PARD3B: variants seen among roughly 807,000 people sequenced by gnomAD.
The protein encoded by PARD3B is par-3 family cell polarity regulator beta.
In PARD3B, 103 loss-of-function variants were observed where a neutral mutation model predicts 130.2. The observed-to-expected ratio is 0.79, with a 90% CI of 0.67 to 0.93. The LOEUF (loss-of-function observed/expected upper bound fraction) is 0.93. Ranked by LOEUF, PARD3B falls within the 40% of genes least tolerant of loss-of-function variation. The pLI, the probability that PARD3B is intolerant of heterozygous loss-of-function variation, is 0.00. For missense variants in PARD3B, 1,609 were observed against 1,499.2 expected (o/e 1.07, Z -1.21); for synonymous variants, 583 against 553.2 (o/e 1.05, Z -0.76).
rs151162209 is a variant in PARD3B at position 205,100,707 on chromosome 2, T to C, written c.505-3719T>C. On this transcript the variant is annotated intron_variant, in intron 4 of 22. Transcript: ENST00000406610. ...CCCTTACATTTTTGGAAAATTCATT[T>C]TCTTTAAGGGTGTCGAGACAATTCA... Among the ~76,000 whole-genome samples the C allele has an allele frequency of 3.1e-3, 473 of 152,268 alleles. 1 individual carries two copies. The highest frequency in any genetic ancestry group is 0.017 in the Middle Eastern group (5 of 294).
intron 18 of PARD3B, among the ~76,000 whole-genome samples, chr2:205,398,824 A>G (rs1244316890): frequency 6.6e-6 from 1 of 152,158 alleles, no homozygotes; most frequent in Admixed American, 6.5e-5. Context: ...TGCTTGTTTT[A>G]TGATTCTTCT....
intron 19 of PARD3B, among the ~76,000 whole-genome samples, chr2:205,436,946 A>C (rs1370017078): frequency 6.6e-6 from 1 of 151,838 alleles, no homozygotes; most frequent in Non-Finnish European, 1.5e-5. Context: ...CAGGGGAAAT[A>C]TCTCTCTTCT....
intron 21 of PARD3B, among the ~76,000 whole-genome samples, chr2:205,502,646 G>T (rs9973667): frequency 6.6e-6 from 1 of 152,128 alleles, no homozygotes; most frequent in East Asian, 1.9e-4. Context: ...TCTGAACTAT[G>T]GAGAAGGAAA....
intron 2 of PARD3B, among the ~76,000 whole-genome samples, chr2:204,747,059 A>G (rs1341635096): frequency 1.3e-5 from 2 of 152,088 alleles, no homozygotes; most frequent in African/African-American, 4.8e-5. Context: ...GCCCCTGCCT[A>G]TGTCCTGAAT....
intron 16 of PARD3B, among the ~76,000 whole-genome samples, chr2:205,256,225 C>G (rs754851524): frequency 2.0e-5 from 3 of 151,958 alleles, no homozygotes; most frequent in Non-Finnish European, 4.4e-5. Flanking sequence ...TCATGGCTCC[C>G]TTATATTATT....
intron 1 of PARD3B, among the ~76,000 whole-genome samples, chr2:204,589,435 T>G (rs1030786390): frequency 1.4e-4 from 22 of 152,208 alleles, no homozygotes; most frequent in African/African-American, 5.3e-4. Flanking sequence ...TTGAAGTTAC[T>G]GGGAGCCAGT....
chr2:205,158,432 C>T lies in PARD3B; in HGVS notation c.1435-290C>T, dbSNP rs1168231873. ...TTATGGAGAATATCTTAGTAAATTTCCAAAGGCTTGCGAGGTGTTTCAGAT... is the reference window on the plus strand; with the variant it reads ...TTATGGAGAATATCTTAGTAAATTTTCAAAGGCTTGCGAGGTGTTTCAGAT... On this transcript the variant is annotated intron_variant, in intron 10 of 22. Coordinates refer to ENST00000406610, the MANE Select transcript of PARD3B (RefSeq NM_001302769.2). The surrounding 1 kb of genome is among the most constrained non-coding windows in gnomAD (Gnocchi z 5.4). 6.6e-6 allele frequency among the ~76,000 whole-genome samples: 1 copy of T among 152,152 alleles called. No individual in the cohort carries two copies. Among genetic ancestry groups the T allele is most frequent in the Non-Finnish European group, 1.5e-5 (1 of 68,030 alleles).
intron 10 of PARD3B, among the ~76,000 whole-genome samples, chr2:205,148,219 C>T (rs1355897436): frequency 6.6e-6 from 1 of 152,082 alleles, no homozygotes; most frequent in Admixed American, 6.6e-5. Context: ...AAAAGATCAT[C>T]TACATACTTG....
In PARD3B at chr2:205,253,315, C is replaced by T; in HGVS notation, c.2185+7493C>T. ...TAACACAAAGGCTCTGGCCGCCCCC[C>T]TACAAAGGAGGCCATGGAACCGATG... On this transcript the variant is annotated intron_variant, in intron 16 of 22. Coordinates refer to ENST00000406610, the MANE Select transcript of PARD3B (RefSeq NM_001302769.2). The surrounding 1 kb of genome is among the most constrained non-coding windows in gnomAD (Gnocchi z 4.4). 1.9e-6 allele frequency: 1 copy of T among 521,924 alleles called. No individual in the cohort carries two copies. The allele number at this position is 521,924 out of a possible 1,614,324, so 32.3% of individuals were successfully genotyped here. A position where few individuals can be genotyped will look rare whatever the true frequency, so the allele number is the denominator to read the frequency against.
At chr2:205,426,130 C>A (rs764076780) in intron 19 of PARD3B, among the ~76,000 whole-genome samples, 1 of 151,604 alleles carries the variant, frequency 6.6e-6, no homozygotes, top group African/African-American at 2.4e-5. Flanking sequence ...TTATAGACAC[C>A]CAGAGAGGAA....
At chr2:204,882,385 T>C (rs1559225305) in intron 2 of PARD3B, among the ~76,000 whole-genome samples, 1 of 152,226 alleles carries the variant, frequency 6.6e-6, no homozygotes. Context: ...AATCCTTCTA[T>C]AATCCTCCTA....
chr2:205,020,364 G>A (rs1355425876), intron 3 of PARD3B, among the ~76,000 whole-genome samples: 1 of 152,076 alleles, frequency 6.6e-6, no homozygotes, highest in Non-Finnish European at 1.5e-5. Context: ...ATCCCAGTGG[G>A]TTCATTGAGG....
intron 18 of PARD3B, among the ~76,000 whole-genome samples, chr2:205,316,360 A>G (rs2042563607): frequency 6.6e-6 from 1 of 152,186 alleles, no homozygotes; most frequent in Non-Finnish European, 1.5e-5. Flanking sequence ...GAGGTTAGAT[A>G]TAAAAAAGAA....
intron 1 of PARD3B, among the ~76,000 whole-genome samples, chr2:204,639,114 T>C (rs2034988344): frequency 1.3e-5 from 2 of 152,188 alleles, no homozygotes; most frequent in African/African-American, 2.4e-5. Context: ...GAAAAAGCTA[T>C]AGGACACAGG....
At chr2:204,822,142 T>G (rs62177851) in intron 2 of PARD3B, among the ~76,000 whole-genome samples, 5,926 of 152,258 alleles carry the variant, frequency 0.039, 163 homozygotes, top group African/African-American at 0.07. Context: ...AATACCAACA[T>G]TAACAGGAGT....
chr2:204,562,576 T>G (rs2031387800), intron 1 of PARD3B, among the ~76,000 whole-genome samples: 1 of 152,198 alleles, frequency 6.6e-6, no homozygotes, highest in Admixed American at 6.5e-5. Context: ...CTGAAAGAGT[T>G]TTACTTGTCA....
At chr2:205,488,288 C>A (rs1001735213) in intron 20 of PARD3B, among the ~76,000 whole-genome samples, 1 of 152,060 alleles carries the variant, frequency 6.6e-6, no homozygotes, top group South Asian at 2.1e-4. Context: ...TTGGGGAACA[C>A]AGGGCCAGGC....
In PARD3B at chr2:205,045,642, G is replaced by A. The variant is rs1698723210; in HGVS notation, c.395-1939G>A. ...ATAGTGAATGAGGACTCATAGGCAT[G>A]TGTCTTTAAATTTGAAGAAAAATTA... On this transcript the variant is annotated intron_variant, in intron 3 of 22. Coordinates refer to ENST00000406610, the MANE Select transcript of PARD3B (RefSeq NM_001302769.2). 2.6e-5 allele frequency among the ~76,000 whole-genome samples: 4 copies of A among 152,164 alleles called. No homozygotes were observed. The East Asian group carries it at 5.8e-4, about 22-fold the overall frequency.
chr2:204,896,044 G>A (rs1440310222), intron 2 of PARD3B, among the ~76,000 whole-genome samples: 1 of 152,120 alleles, frequency 6.6e-6, no homozygotes, highest in Non-Finnish European at 1.5e-5. Context: ...AAGCACTTTG[G>A]TTTTGGAATG....
Sources: gnomAD v4.1 joint callset for allele counts (sites outside exome capture counted in the v4.1 genomes callset) on GRCh38, gnomAD v4.1.1 for gene constraint, Gnocchi (gnomAD v3.1) non-coding constraint, MANE v1.5 for transcripts, NCBI Gene and HGNC (gene_info 2026-07-23, HGNC 2026-07-21) for gene names.